The following TMBIM4 variants were observed in gnomAD, a reference collection of about 807,000 sequenced individuals.
The protein encoded by TMBIM4 is transmembrane BAX inhibitor motif containing 4, also known as protein lifeguard 4.
TMBIM4 carries 28 observed loss-of-function variants against 27.7 expected under a neutral mutation model. The ratio of observed to expected loss-of-function variants is 1.01; its 90% CI spans 0.75 to 1.38. The LOEUF (loss-of-function observed/expected upper bound fraction) is 1.38, where lower values mean the gene tolerates loss of function less well. Among genes scored for constraint, TMBIM4 ranks in the 40% most tolerant of loss-of-function variants. TMBIM4 has a pLI of 0.00. For missense variants in TMBIM4, 265 were observed against 277.5 expected (o/e 0.95, Z 0.32); for synonymous variants, 115 against 113.1 (o/e 1.02, Z -0.11).
chr12:66,139,876 G>C (rs114843859), intron 5 of TMBIM4, among the ~76,000 whole-genome samples: 1 of 152,132 alleles, frequency 6.6e-6, no homozygotes, highest in African/African-American at 2.4e-5. Flanking sequence ...GAAAGACCTC[G>C]TAAGACATGC....
intron 1 of TMBIM4, among the ~76,000 whole-genome samples, chr12:66,158,050 T>G (rs1356011352): frequency 6.9e-6 from 1 of 145,944 alleles, no homozygotes; most frequent in African/African-American, 2.5e-5. Flanking sequence ...CACGGTGAAA[T>G]CCTGTGCCTA....
chr12:66,139,347 T>C (rs921698882), intron 5 of TMBIM4, among the ~76,000 whole-genome samples: 3 of 152,214 alleles, frequency 2.0e-5, no homozygotes, highest in African/African-American at 7.2e-5. Context: ...TTATAAAATA[T>C]GGGACTTATC....
chr12:66,166,439 T>A (rs1255893859), intron 1 of TMBIM4, among the ~76,000 whole-genome samples: 30 of 134,094 alleles, frequency 2.2e-4, no homozygotes, highest in Non-Finnish European at 4.5e-4. Context: ...CACTCCAGTC[T>A]GAGAGACAGA....
At chr12:66,139,242 C>T (rs1232832501) in intron 5 of TMBIM4, among the ~76,000 whole-genome samples, 3 of 152,188 alleles carry the variant, frequency 2.0e-5, no homozygotes, top group Non-Finnish European at 2.9e-5. Context: ...ATGGACACAT[C>T]TGACACTGCT....
intron 3 of TMBIM4, among the ~76,000 whole-genome samples, chr12:66,150,446 A>C: frequency 4.6e-5 from 6 of 131,448 alleles, no homozygotes; most frequent in African/African-American, 1.2e-4. Context: ...ACAGGGTCTC[A>C]CTCTGTCACT....
chr12:66,163,418 G>A (rs2052075264), intron 1 of TMBIM4, among the ~76,000 whole-genome samples: 1 of 152,100 alleles, frequency 6.6e-6, no homozygotes. Flanking sequence ...AGGTTTAATT[G>A]ACTCACATTT....
intron 5 of TMBIM4, among the ~76,000 whole-genome samples, chr12:66,143,422 C>A (rs1463682940): frequency 6.6e-6 from 1 of 152,060 alleles, no homozygotes; most frequent in African/African-American, 2.4e-5. Context: ...AGAAAATGAG[C>A]CCTGATTTGT....
chr12:66,139,999 C>T (rs1042486583), intron 5 of TMBIM4, among the ~76,000 whole-genome samples: 10 of 152,084 alleles, frequency 6.6e-5, no homozygotes, highest in Non-Finnish European at 1.2e-4. Context: ...GTTTACTTTC[C>T]AAGGAACTTA....
rs370897053 is a variant in TMBIM4, at chr12:66,138,079, A to T, written c.598T>A (p.Ser200Thr). The change falls in exon 7 of 7, where the codon TCA becomes ACA. Residue 200 changes from serine (S) to threonine (T), a missense_variant. Coordinates refer to ENST00000358230, the MANE Select transcript of TMBIM4 (RefSeq NM_016056.4). ...FCGFIIYDTH[S>T]LMHKLSPEEY... ...TCAGGTGACAGTTTATGCATCAGTG[A>T]GTGTGTGTCATAGATGATGAATCCA... 1.2e-6 allele frequency: 2 copies of T among 1,613,998 alleles called. No homozygotes were observed. The highest frequency in any genetic ancestry group is 1.6e-4 in the Middle Eastern group (1 of 6,084).
rs1302937290 is a variant in TMBIM4, at chr12:66,160,143, G to A, written c.98-6695C>T. ...GCTGCAACAGATATCTTATGGCCCA[G>A]AAAGCTGAGTATGTTTCTTACTTGG... On this transcript the variant is annotated intron_variant, in intron 1 of 6. Transcript: ENST00000358230. 1.0e-5 allele frequency: 7 copies of A among 700,920 alleles called. No individual in the cohort carries two copies. In the South Asian group the frequency reaches 1.0e-4, roughly 10 times the overall value. 43.4% of individuals were successfully genotyped at this position (700,920 alleles called of 1,614,324 possible).
At chr12:66,145,123 C>T (rs1039201684) in intron 5 of TMBIM4, among the ~76,000 whole-genome samples, 2 of 152,078 alleles carry the variant, frequency 1.3e-5, no homozygotes, top group Non-Finnish European at 2.9e-5. Context: ...GCAGCTCGCG[C>T]AATTGTCAGT....
chr12:66,157,536 T>C (rs1592549487), intron 1 of TMBIM4, among the ~76,000 whole-genome samples: 2 of 152,140 alleles, frequency 1.3e-5, no homozygotes, highest in South Asian at 4.1e-4. Context: ...AGAATATATA[T>C]CTTGGTACTT....
intron 2 of TMBIM4, 78 bp downstream of exon 2, chr12:66,153,262 A>G: frequency 1.2e-6 from 1 of 847,950 alleles, no homozygotes; most frequent in Non-Finnish European, 1.9e-6. Context: ...AATAGAAAAA[A>G]GTGGATTTTG....
At chr12:66,168,047 C>A (rs1245104874) in intron 1 of TMBIM4, among the ~76,000 whole-genome samples, 1 of 151,654 alleles carries the variant, frequency 6.6e-6, no homozygotes, top group Non-Finnish European at 1.5e-5. Context: ...TGGAGAAACC[C>A]GTCTCTACCA....
rs145704323 is a variant in TMBIM4 at position 66,138,457 on chromosome 12, C to A, written c.510+267G>T. Among the ~76,000 whole-genome samples, 435 of 152,168 alleles carry A rather than the reference C, an allele frequency of 2.9e-3. 4 individuals carry two copies. The highest frequency in any genetic ancestry group is 0.01 in the African/African-American group (416 of 41,496). On this transcript the variant is annotated intron_variant, in intron 6 of 6. Coordinates refer to ENST00000358230, the MANE Select transcript of TMBIM4 (RefSeq NM_016056.4). Reference sequence around the variant, plus strand: ...TTTCGTTTTTCACAATTAAATGTGCCACTGGAGCTTGGCAGTTGTAAGCAA... The same window carrying A: ...TTTCGTTTTTCACAATTAAATGTGCAACTGGAGCTTGGCAGTTGTAAGCAA...
intron 5 of TMBIM4, among the ~76,000 whole-genome samples, chr12:66,143,379 C>G (rs942160817): frequency 2.6e-5 from 4 of 152,242 alleles, no homozygotes; most frequent in South Asian, 2.1e-4. Flanking sequence ...AACTTACAAA[C>G]AGTGATGTAC....
chr12:66,153,489 T>C, intron 1 of TMBIM4, 41 bp from the exon 2 acceptor site: 1 of 1,223,062 alleles, frequency 8.2e-7, no homozygotes, highest in Non-Finnish European at 1.2e-6. Flanking sequence ...TTCTTAACCA[T>C]TTATCATAGA....
intron 1 of TMBIM4, among the ~76,000 whole-genome samples, chr12:66,160,763 C>G (rs538605776): frequency 2.6e-5 from 4 of 152,210 alleles, no homozygotes; most frequent in African/African-American, 4.8e-5. Context: ...GCACAGCGGC[C>G]GAGCAGAGGC....
intron 6 of TMBIM4, among the ~76,000 whole-genome samples, 156 bp downstream of exon 6, chr12:66,138,563 ATTTTC>A (rs1452400778): frequency 6.6e-6 from 1 of 152,152 alleles, no homozygotes; most frequent in African/African-American, 2.4e-5. Flanking sequence ...CAAGACCCTG[ATTTTC>A]TAAAGGGATA....
Sources: gnomAD v4.1 joint callset for allele counts (sites outside exome capture counted in the v4.1 genomes callset) on GRCh38, gnomAD v4.1.1 for gene constraint, MANE v1.5 for transcripts, NCBI Gene and HGNC (gene_info 2026-07-23, HGNC 2026-07-21) for gene names.